ENTREP1: variants seen among roughly 807,000 people sequenced by gnomAD.
The protein encoded by ENTREP1 is endosomal transmembrane epsin interactor 1.
the ENTREP1 span, among the ~76,000 whole-genome samples, chr9:69,340,667 G>GTGTGTA: frequency 7.7e-4 from 15 of 19,546 alleles, no homozygotes; most frequent in Non-Finnish European, 3.2e-4. Context: ...GTGTGTGTGC[G>GTGTGTA]TGTGTGTGTG....
At chr9:69,336,866 T>C in the ENTREP1 span, among the ~76,000 whole-genome samples, 5 of 151,774 alleles carry the variant, frequency 3.3e-5, no homozygotes, top group Non-Finnish European at 7.4e-5. Context: ...GCCCAGCTAA[T>C]TTCTTGTATT....
the ENTREP1 span, among the ~76,000 whole-genome samples, chr9:69,362,186 A>G: frequency 5.9e-5 from 9 of 152,216 alleles, no homozygotes; most frequent in South Asian, 2.1e-4. Flanking sequence ...GAGCAAAATA[A>G]AAGTCCTTAG....
chr9:69,383,592 G>A, the ENTREP1 span: 1 of 1,612,786 alleles, frequency 6.2e-7, no homozygotes, highest in African/African-American at 1.3e-5. Flanking sequence ...TGGCCAGTCT[G>A]TAGAACGTGC....
At chr9:69,380,501 A>G in the ENTREP1 span, 1 of 152,260 alleles carries the variant, frequency 6.6e-6, no homozygotes, top group East Asian at 1.9e-4. Context: ...TTTAACTTCT[A>G]TAAATACAAC....
At chr9:69,377,269 T>A in the ENTREP1 span, 1 of 789,072 alleles carries the variant, frequency 1.3e-6, no homozygotes. Context: ...CTGAGAATTG[T>A]CTTATGGAGG....
the ENTREP1 span, among the ~76,000 whole-genome samples, chr9:69,348,928 A>G: frequency 6.6e-6 from 1 of 152,150 alleles, no homozygotes; most frequent in African/African-American, 2.4e-5. Context: ...TCATGCCTGT[A>G]ATCCTAGCAC....
At chr9:69,376,485 G>A in the ENTREP1 span, among the ~76,000 whole-genome samples, 1 of 152,230 alleles carries the variant, frequency 6.6e-6, no homozygotes, top group Non-Finnish European at 1.5e-5. Context: ...GATAAAAATT[G>A]TGCCCTGACT....
chr9:69,391,572 C>G, the ENTREP1 span: 1 of 1,605,170 alleles, frequency 6.2e-7, no homozygotes, highest in African/African-American at 1.3e-5. Flanking sequence ...GCTTACTTAA[C>G]TTCTCCCCAC....
the ENTREP1 span, among the ~76,000 whole-genome samples, chr9:69,351,244 A>G: frequency 6.6e-6 from 1 of 152,290 alleles, no homozygotes; most frequent in Admixed American, 6.5e-5. Context: ...TTCAAGTTTC[A>G]GATAATTTTT....
the ENTREP1 span, chr9:69,387,760 A>G: frequency 1.6e-5 from 8 of 489,766 alleles, no homozygotes; most frequent in African/African-American, 1.4e-4. Context: ...CTCTTAATTG[A>G]CTACTTCATC....
the ENTREP1 span, among the ~76,000 whole-genome samples, chr9:69,352,500 A>G: frequency 6.6e-6 from 1 of 150,868 alleles, no homozygotes; most frequent in South Asian, 2.1e-4. Context: ...TAATATTTAT[A>G]ATAATATTTG....
At chr9:69,350,478 C>T in the ENTREP1 span, among the ~76,000 whole-genome samples, 126 of 152,316 alleles carry the variant, frequency 8.3e-4, no homozygotes, top group Admixed American at 1.8e-3. Context: ...AGACCACTCA[C>T]TTCCTGTTCT....
chr9:69,376,336 G>A, the ENTREP1 span, among the ~76,000 whole-genome samples: 1 of 152,200 alleles, frequency 6.6e-6, no homozygotes, highest in African/African-American at 2.4e-5. Flanking sequence ...TAAGGAGAGA[G>A]ATTGGCCAGA....
At chr9:69,382,771 T>C in the ENTREP1 span, 1 of 152,688 alleles carries the variant, frequency 6.5e-6, no homozygotes, top group Non-Finnish European at 1.5e-5. Context: ...CAAAAGGCAG[T>C]GCCTGCAAGC....
the ENTREP1 span, chr9:69,383,537 C>T: frequency 1.3e-6 from 2 of 1,565,218 alleles, no homozygotes; most frequent in Non-Finnish European, 1.7e-6. Flanking sequence ...TGGTTTTCCC[C>T]ACAGTTTAGA....
At chr9:69,363,423 G>A in the ENTREP1 span, among the ~76,000 whole-genome samples, 1 of 152,300 alleles carries the variant, frequency 6.6e-6, no homozygotes, top group South Asian at 2.1e-4. Flanking sequence ...ATTTTATAGA[G>A]AAGTTGTATC....
At chr9:69,378,215 C>A in the ENTREP1 span, among the ~76,000 whole-genome samples, 1 of 152,138 alleles carries the variant, frequency 6.6e-6, no homozygotes, top group Non-Finnish European at 1.5e-5. Flanking sequence ...CCCAGTTAGG[C>A]CAAATCGATG....
chr9:69,324,638 C>T, the ENTREP1 span: 1 of 985,460 alleles, frequency 1.0e-6, no homozygotes, highest in Non-Finnish European at 1.2e-6. Flanking sequence ...GAGGTAGGCA[C>T]GTCCTGCGCC....
At chr9:69,334,879 C>A in the ENTREP1 span, among the ~76,000 whole-genome samples, 3 of 150,530 alleles carry the variant, frequency 2.0e-5, no homozygotes, top group Non-Finnish European at 2.9e-5. Context: ...TGGGTTCAGG[C>A]GACTCTTGTG....
Sources: gnomAD v4.1 joint callset for allele counts (sites outside exome capture counted in the v4.1 genomes callset) on GRCh38, gnomAD v4.1.1 for gene constraint, MANE v1.5 for transcripts, NCBI Gene and HGNC (gene_info 2026-07-23, HGNC 2026-07-21) for gene names.